SCHIP1: variants seen among roughly 807,000 people sequenced by gnomAD.
The protein encoded by SCHIP1 is schwannomin interacting protein 1, also known as schwannomin-interacting protein 1.
Under a neutral mutation model 29.7 loss-of-function variants are expected in SCHIP1, and 8 were observed. The ratio of observed to expected loss-of-function variants is 0.27; its 90% CI spans 0.16 to 0.49. The LOEUF is 0.49. Among genes scored for constraint, SCHIP1 ranks in the 20% least tolerant of loss-of-function variants. The probability of loss-of-function intolerance (pLI) is 0.99; values close to 1 mark genes in which losing one functional copy is unlikely to be tolerated. For synonymous variants in SCHIP1, 76 were observed against 94.9 expected (o/e 0.80, Z 1.16); for missense variants, 193 against 294.6 (o/e 0.66, Z 2.52).
the SCHIP1 span, among the ~76,000 whole-genome samples, chr3:159,830,895 G>T: frequency 6.6e-6 from 1 of 152,234 alleles, no homozygotes; most frequent in East Asian, 1.9e-4. Context: ...TGGCACAGGA[G>T]TATGGCAGGA....
chr3:159,643,005 TGAA>T, the SCHIP1 span, among the ~76,000 whole-genome samples: 1 of 151,944 alleles, frequency 6.6e-6, no homozygotes, highest in Non-Finnish European at 1.5e-5. Context: ...GCACTGAACA[TGAA>T]GAAGAGTGGT....
the SCHIP1 span, among the ~76,000 whole-genome samples, chr3:159,356,671 G>A: frequency 1.3e-5 from 2 of 152,198 alleles, no homozygotes; most frequent in Non-Finnish European, 2.9e-5. Context: ...TTTTAAAAAT[G>A]TGTGCCAGGG....
chr3:159,556,075 A>G, the SCHIP1 span, among the ~76,000 whole-genome samples: 1 of 152,222 alleles, frequency 6.6e-6, no homozygotes, highest in Non-Finnish European at 1.5e-5. Flanking sequence ...TTACAAGAAA[A>G]AAACAAACAA....
chr3:159,864,455 A>G (rs1672868271), intron 1 of SCHIP1, among the ~76,000 whole-genome samples: 1 of 140,286 alleles, frequency 7.1e-6, no homozygotes, highest in Non-Finnish European at 1.5e-5. Flanking sequence ...GTAGTCTTTC[A>G]CCTTATGGCT....
chr3:159,483,253 C>G, the SCHIP1 span, among the ~76,000 whole-genome samples: 1 of 152,124 alleles, frequency 6.6e-6, no homozygotes, highest in Non-Finnish European at 1.5e-5. Context: ...ATCCGAAAGA[C>G]AAGGGATTGC....
chr3:159,394,484 G>A, the SCHIP1 span, among the ~76,000 whole-genome samples: 122 of 152,198 alleles, frequency 8.0e-4, no homozygotes, highest in South Asian at 0.019. Context: ...TTTGAAATAG[G>A]TCCCATCAAT....
At chr3:159,708,015 C>G in the SCHIP1 span, among the ~76,000 whole-genome samples, 1 of 152,166 alleles carries the variant, frequency 6.6e-6, no homozygotes. Context: ...TCCTCCCTCT[C>G]TTCAAAATAT....
At chr3:159,273,307 G>A in the SCHIP1 span, 1,286 of 985,920 alleles carry the variant, frequency 1.3e-3, 1 homozygote, top group Admixed American at 2.1e-3. Flanking sequence ...TCAGCAGACC[G>A]AGGCTGGGGC....
the SCHIP1 span, among the ~76,000 whole-genome samples, chr3:159,350,563 G>A: frequency 6.6e-6 from 1 of 152,042 alleles, no homozygotes; most frequent in African/African-American, 2.4e-5. Flanking sequence ...TCCTTTCAAT[G>A]AACTTGATAT....
At chr3:159,638,153 C>CTGTCCTTGCCTCCTGCATTAA in the SCHIP1 span, among the ~76,000 whole-genome samples, 99 of 152,340 alleles carry the variant, frequency 6.5e-4, no homozygotes, top group South Asian at 0.01. Context: ...AAGATACAGA[C>CTGTCCTTGCCTCCTGCATTAA]TGTCCTTGCC....
At chr3:159,409,205 G>A in the SCHIP1 span, among the ~76,000 whole-genome samples, 1 of 151,834 alleles carries the variant, frequency 6.6e-6, no homozygotes. Context: ...AAAACTAAAA[G>A]CCTTTTCTCT....
chr3:159,590,700 A>G, the SCHIP1 span, among the ~76,000 whole-genome samples: 1 of 152,170 alleles, frequency 6.6e-6, no homozygotes, highest in African/African-American at 2.4e-5. Context: ...ATCAGCTGAA[A>G]AAAGTGTTTA....
the SCHIP1 span, among the ~76,000 whole-genome samples, chr3:159,616,577 G>A: frequency 4.6e-5 from 7 of 152,214 alleles, no homozygotes; most frequent in African/African-American, 7.2e-5. Context: ...ACAGTGCCAC[G>A]TAGAAGAGGA....
chr3:159,537,732 A>T, the SCHIP1 span, among the ~76,000 whole-genome samples: 1 of 152,138 alleles, frequency 6.6e-6, no homozygotes, highest in Non-Finnish European at 1.5e-5. Context: ...CGAGCACAAG[A>T]TTAACTTTTA....
At chr3:159,456,364 C>T in the SCHIP1 span, among the ~76,000 whole-genome samples, 1 of 152,114 alleles carries the variant, frequency 6.6e-6, no homozygotes, top group African/African-American at 2.4e-5. Flanking sequence ...ATATATCGAT[C>T]TTTTCATCTA....
At chr3:159,619,327 G>T in the SCHIP1 span, among the ~76,000 whole-genome samples, 1 of 152,294 alleles carries the variant, frequency 6.6e-6, no homozygotes, top group African/African-American at 2.4e-5. Context: ...ACCAAAGATT[G>T]CTTCTCACCA....
the SCHIP1 span, among the ~76,000 whole-genome samples, chr3:159,615,709 T>C: frequency 6.6e-6 from 1 of 152,108 alleles, no homozygotes; most frequent in Admixed American, 6.5e-5. Flanking sequence ...CAGAACTGAA[T>C]AGAATGTGGG....
chr3:159,429,726 G>A, the SCHIP1 span, among the ~76,000 whole-genome samples: 1 of 152,122 alleles, frequency 6.6e-6, no homozygotes, highest in Non-Finnish European at 1.5e-5. Flanking sequence ...TATCATTTAT[G>A]AGGTCCAACA....
chr3:159,440,974 C>T, the SCHIP1 span, among the ~76,000 whole-genome samples: 2 of 152,148 alleles, frequency 1.3e-5, no homozygotes, highest in Non-Finnish European at 2.9e-5. Context: ...TGTCAAGAGA[C>T]AAGAAAGTTG....
Sources: gnomAD v4.1 joint callset for allele counts (sites outside exome capture counted in the v4.1 genomes callset) on GRCh38, gnomAD v4.1.1 for gene constraint, MANE v1.5 for transcripts, NCBI Gene and HGNC (gene_info 2026-07-23, HGNC 2026-07-21) for gene names.